The following BRSK1 variants were observed in gnomAD, a reference collection of about 807,000 sequenced individuals.
The protein encoded by BRSK1 is BR serine/threonine kinase 1.
A neutral mutation model predicts 86.2 loss-of-function variants in BRSK1; 17 were observed. That is an observed-to-expected ratio of 0.20 (90% CI 0.14 to 0.30). The LOEUF is 0.30. Among genes scored for constraint, BRSK1 ranks in the 10% least tolerant of loss-of-function variants. The pLI is 1.00. For synonymous variants in BRSK1, 464 were observed against 440.1 expected (o/e 1.05, Z -0.68); for missense variants, 719 against 1,071.9 (o/e 0.67, Z 4.60).
intron 4 of BRSK1, among the ~76,000 whole-genome samples, chr19:55,291,888 A>G (rs2088411973): frequency 6.6e-6 from 1 of 152,054 alleles, no homozygotes; most frequent in Non-Finnish European, 1.5e-5. Context: ...CCTTCCGAGT[A>G]CCTGGGACTA....
At position 55,302,340 on chromosome 19, in the gene BRSK1, G is replaced by T. The variant is rs1287181618; in HGVS notation, c.857+172G>T. ...GACACAGCTAGAGAAGGAGTCTAGGGGTCAGAGGCAGGAGGGGCTAAGCTA... is the reference window on the plus strand; with the variant it reads ...GACACAGCTAGAGAAGGAGTCTAGGTGTCAGAGGCAGGAGGGGCTAAGCTA... On this transcript the variant is annotated intron_variant, in intron 9 of 18. Coordinates refer to ENST00000309383, the MANE Select transcript of BRSK1 (RefSeq NM_032430.2). The surrounding 1 kb of genome is among the most constrained non-coding windows in gnomAD (Gnocchi z 6.3). The T allele has an allele frequency of 1.3e-6, 1 of 786,014 alleles. No individual in the cohort carries two copies. The highest frequency in any genetic ancestry group is 1.7e-5 in the African/African-American group (1 of 58,538). The allele number at this position is 786,014 out of a possible 1,614,324, so 48.7% of individuals were successfully genotyped here. A position where few individuals can be genotyped will look rare whatever the true frequency, so the allele number is the denominator to read the frequency against.
chr19:55,296,816 C>A (rs1420853845), intron 7 of BRSK1, among the ~76,000 whole-genome samples: 4 of 152,060 alleles, frequency 2.6e-5, no homozygotes, highest in East Asian at 3.9e-4. Flanking sequence ...CCACTGCACT[C>A]CAGCCTGGGC....
At chr19:55,296,826 C>T (rs1160777722) in intron 7 of BRSK1, among the ~76,000 whole-genome samples, 11 of 150,828 alleles carry the variant, frequency 7.3e-5, no homozygotes, top group African/African-American at 2.2e-4. Flanking sequence ...CCAGCCTGGG[C>T]GACAGAGCGA....
At chr19:55,309,248 T>A (rs771695103) in intron 18 of BRSK1, among the ~76,000 whole-genome samples, 1 of 151,928 alleles carries the variant, frequency 6.6e-6, no homozygotes, top group South Asian at 2.1e-4. Context: ...GGCCTAATGG[T>A]CCCTAGCAAC....
intron 4 of BRSK1, among the ~76,000 whole-genome samples, chr19:55,292,770 G>T (rs1291133219): frequency 2.6e-5 from 4 of 151,802 alleles, no homozygotes; most frequent in Admixed American, 1.3e-4. Flanking sequence ...GGAGACGGAG[G>T]TTGCAGTGAG....
intron 4 of BRSK1, among the ~76,000 whole-genome samples, chr19:55,292,067 A>T (rs1240832164): frequency 6.6e-6 from 1 of 152,032 alleles, no homozygotes; most frequent in African/African-American, 2.4e-5. Flanking sequence ...GCCCTGTTTA[A>T]ATTTTCCACA....
chr19:55,305,405 G>A (rs1224468516), intron 15 of BRSK1, 36 bp downstream of exon 15: 2 of 1,614,120 alleles, frequency 1.2e-6, no homozygotes, highest in East Asian at 2.2e-5. Context: ...TGGGGATGCA[G>A]GGGATTCATG....
At chr19:55,301,440 A>G in intron 7 of BRSK1, 72 bp from the exon 8 acceptor site, 1 of 1,536,404 alleles carries the variant, frequency 6.5e-7, no homozygotes, top group Non-Finnish European at 8.8e-7. Flanking sequence ...AGATCACCGT[A>G]GTTCCCCACC....
rs1266666284 is a variant in BRSK1, at chr19:55,294,472, C to G, written c.678+75C>G. ...GGGAGCATAGGACAGTACCTTCCAT[C>G]CTCAGGTCATCTCCTGAATTTATTT... On this transcript the variant is annotated intron_variant, in intron 7 of 18. Transcript: ENST00000309383. This position sits in a 1 kb window ranked among gnomAD's most constrained non-coding sequence, Gnocchi z 4.9. The G allele has an allele frequency of 1.2e-5, 18 of 1,473,942 alleles. No individual in the cohort carries two copies. The highest frequency in any genetic ancestry group is 9.3e-7 in the Non-Finnish European group (1 of 1,072,526). 91.3% of individuals were successfully genotyped at this position (1,473,942 alleles called of 1,614,324 possible). A position where few individuals can be genotyped will look rare whatever the true frequency, so the allele number is the denominator to read the frequency against.
intron 18 of BRSK1, among the ~76,000 whole-genome samples, chr19:55,311,478 T>A (rs113729950): frequency 1.1e-3 from 164 of 152,268 alleles, no homozygotes; most frequent in African/African-American, 3.7e-3. Context: ...GTAGGCTCCC[T>A]TGAGCCCAGT....
rs935835839 is a variant in BRSK1 at position 55,287,802 on chromosome 19, A to G, written c.317+503A>G. On this transcript the variant is annotated intron_variant, in intron 3 of 18. Transcript: ENST00000309383. The surrounding 1 kb of genome is among the most constrained non-coding windows in gnomAD (Gnocchi z 5.3). ...GGTCTGAGTCACTATCTCAAAGTCAATCACCCGCCAGGAAGGATGGGGGTG... is the reference window on the plus strand; with the variant it reads ...GGTCTGAGTCACTATCTCAAAGTCAGTCACCCGCCAGGAAGGATGGGGGTG... 1.3e-5 allele frequency among the ~76,000 whole-genome samples: 2 copies of G among 152,188 alleles called. No homozygotes were observed. The highest frequency in any genetic ancestry group is 6.5e-5 in the Admixed American group (1 of 15,278).
rs1393701345 is a variant in BRSK1 at position 55,303,765 on chromosome 19, G to A, written c.1225G>A (p.Gly409Arg). ...GGAAGTCCTGAGCATCACCGATGCC[G>A]GGGGTGGTGGCTCCCCTGTACCCAC... ...SMEVLSITDA[G>R]GGGSPVPTRR... Residue 409 changes from glycine to arginine, a missense_variant, in exon 12 of 19, where the codon GGG (glycine) becomes AGG (arginine). This residue lies in a region of BRSK1 where 168 missense variants were observed against 246.3 expected (regional missense o/e 0.68). Transcript: ENST00000309383. This position sits in a 1 kb window ranked among gnomAD's most constrained non-coding sequence, Gnocchi z 5.1. 2.5e-6 allele frequency: 4 copies of A among 1,612,566 alleles called. No homozygotes were observed. Among genetic ancestry groups the A allele is most frequent in the African/African-American group, 1.3e-5 (1 of 74,984 alleles).
intron 1 of BRSK1, among the ~76,000 whole-genome samples, chr19:55,285,802 G>A (rs1201438283): frequency 4.6e-5 from 7 of 152,172 alleles, no homozygotes; most frequent in Non-Finnish European, 8.8e-5. Flanking sequence ...GCTGGCAGGA[G>A]TGGGGACCGA....
chr19:55,305,453 T>C lies in BRSK1; in HGVS notation c.1767-10T>C, dbSNP rs750062988. ...TCCTAACCCTCCTCCAACCACCCCC[T>C]CCCACTCAGGCTGGCAAAACGCTCC... On this transcript the variant is annotated splice_polypyrimidine_tract_variant and intron_variant, in intron 15 of 18. Transcript: ENST00000309383. 6.2e-6 allele frequency: 10 copies of C among 1,613,906 alleles called. No individual in the cohort carries two copies. In the East Asian group the frequency reaches 2.2e-4, roughly 36 times the overall value.
chr19:55,294,305 G>A lies in BRSK1; in HGVS notation c.610-24G>A, dbSNP rs887560380. 4 of 1,614,196 alleles carry A rather than the reference G, an allele frequency of 2.5e-6. No individual in the cohort carries two copies. Among genetic ancestry groups the A allele is most frequent in the Admixed American group, 1.7e-5 (1 of 60,024 alleles). On this transcript the variant is annotated intron_variant, in intron 6 of 18. Coordinates refer to ENST00000309383, the MANE Select transcript of BRSK1 (RefSeq NM_032430.2). The surrounding 1 kb of genome is among the most constrained non-coding windows in gnomAD (Gnocchi z 4.9). The stretch of plus-strand genomic sequence containing the variant: ...GGAGGCAGCAGTGAGGAGCGATGAA[G>A]TCACAACTGGCCTTCCCTTCCAGGG...
At chr19:55,293,987 A>G in intron 4 of BRSK1, 30 bp from the exon 5 acceptor site, 1 of 1,579,454 alleles carries the variant, frequency 6.3e-7, no homozygotes, top group Non-Finnish European at 8.6e-7. Context: ...GGAGGAAGGA[A>G]GAGGCCTGAG....
intron 16 of BRSK1, 103 bp downstream of exon 16, chr19:55,305,689 G>C (rs1024606361): frequency 1.7e-5 from 26 of 1,529,686 alleles, no homozygotes; most frequent in South Asian, 3.6e-5. Context: ...TCCTCCTGGG[G>C]CTCATGGGAT....
rs2088272805 is a variant in BRSK1, at chr19:55,284,162, A to C, written c.-281A>C. Reference sequence around the variant, plus strand: ...CCCCCCGGCGGGGGGAGGCGCAGGAAGCGGGGGGCCGGCCAGAAACGGGCT... The same window carrying C: ...CCCCCCGGCGGGGGGAGGCGCAGGACGCGGGGGGCCGGCCAGAAACGGGCT... On this transcript the variant is annotated 5_prime_UTR_variant, in exon 1 of 19. Coordinates refer to ENST00000309383, the MANE Select transcript of BRSK1 (RefSeq NM_032430.2). 82 of 849,874 alleles carry C rather than the reference A, an allele frequency of 9.6e-5. No homozygotes were observed. Among genetic ancestry groups the C allele is most frequent in the East Asian group, 1.1e-4 (3 of 26,170 alleles). 52.6% of individuals were successfully genotyped at this position (849,874 alleles called of 1,614,324 possible).
At position 55,305,352 on chromosome 19, in the gene BRSK1, G is replaced by A. The variant is rs1265734137; in HGVS notation, c.1749G>A (p.Thr583=). Residue 583 remains threonine, a synonymous_variant, in exon 15 of 19, where the codon ACG becomes ACA. Transcript: ENST00000309383. ...VPTAEEMSSL[T]PESSPELAKR... ...CCGCTGAGGAGATGTCCAGCTTGAC[G>A]CCAGAGTCCTCCCCGGAGTGAGTCT... is the stretch of plus-strand genomic sequence containing the variant. 5.0e-6 allele frequency: 8 copies of A among 1,614,020 alleles called. No homozygotes were observed.
Sources: allele counts gnomAD v4.1 joint callset (sites outside exome capture counted in the v4.1 genomes callset), GRCh38; gene constraint gnomAD v4.1.1; regional missense constraint gnomAD v4.1.1; non-coding constraint Gnocchi (gnomAD v3.1); transcripts MANE v1.5; gene names NCBI Gene and HGNC (gene_info 2026-07-23, HGNC 2026-07-21).